PLA2G4A: variants seen among roughly 807,000 people sequenced by gnomAD.
The protein encoded by PLA2G4A is cytosolic phospholipase A2.
Under a neutral mutation model 81.9 loss-of-function variants are expected in PLA2G4A, and 40 were observed. That is an observed-to-expected ratio of 0.49 (90% CI 0.38 to 0.64). PLA2G4A has a LOEUF of 0.64. Ranked by LOEUF, PLA2G4A falls within the 30% of genes least tolerant of loss-of-function variation. The pLI is 0.00. For synonymous variants in PLA2G4A, 302 were observed against 296.9 expected (o/e 1.02, Z -0.18); for missense variants, 715 against 905.1 (o/e 0.79, Z 2.69).
intron 1 of PLA2G4A, among the ~76,000 whole-genome samples, chr1:186,845,886 A>G (rs1443425132): frequency 6.6e-6 from 1 of 152,128 alleles, no homozygotes; most frequent in Non-Finnish European, 1.5e-5. Context: ...CCTCTCATTC[A>G]TGTTCTGAAA....
At chr1:186,863,496 A>G (rs1652892224) in intron 2 of PLA2G4A, among the ~76,000 whole-genome samples, 1 of 152,162 alleles carries the variant, frequency 6.6e-6, no homozygotes, top group South Asian at 2.1e-4. Context: ...TGTGGTGAGC[A>G]CATTAAAAAT....
chr1:186,847,549 A>G (rs932040315), intron 1 of PLA2G4A, among the ~76,000 whole-genome samples: 2 of 152,166 alleles, frequency 1.3e-5, no homozygotes, highest in African/African-American at 4.8e-5. Context: ...ATAAGATTTA[A>G]GACATGCACT....
At chr1:186,971,629 T>C (rs997679295) in intron 15 of PLA2G4A, among the ~76,000 whole-genome samples, 1 of 151,994 alleles carries the variant, frequency 6.6e-6, no homozygotes, top group African/African-American at 2.4e-5. Flanking sequence ...CAGGCAGAGT[T>C]GGAATATTAA....
chr1:186,935,839 C>G (rs189919451), intron 8 of PLA2G4A, among the ~76,000 whole-genome samples: 1 of 152,020 alleles, frequency 6.6e-6, no homozygotes, highest in Non-Finnish European at 1.5e-5. Flanking sequence ...TGTGGAGAAG[C>G]CCTGGACCTC....
chr1:186,896,179 C>A (rs1231524920), intron 5 of PLA2G4A, among the ~76,000 whole-genome samples: 1 of 152,062 alleles, frequency 6.6e-6, no homozygotes, highest in Non-Finnish European at 1.5e-5. Context: ...TATATCGATA[C>A]TATACACATA....
chr1:186,978,227 C>T (rs10157406), intron 16 of PLA2G4A, among the ~76,000 whole-genome samples: 145,054 of 152,278 alleles, frequency 0.95, 69,223 homozygotes, highest in East Asian at 1. Flanking sequence ...TTGTATTTCA[C>T]AGAAAACAAG....
chr1:186,967,671 A>T (rs112502497), intron 15 of PLA2G4A, among the ~76,000 whole-genome samples: 1 of 152,156 alleles, frequency 6.6e-6, no homozygotes, highest in Non-Finnish European at 1.5e-5. Flanking sequence ...AGATTGGTGC[A>T]TACTGGAGTT....
intron 17 of PLA2G4A, among the ~76,000 whole-genome samples, chr1:186,981,521 T>G (rs1439766585): frequency 6.6e-6 from 1 of 152,230 alleles, no homozygotes; most frequent in Non-Finnish European, 1.5e-5. Context: ...AAACCATTAA[T>G]TTAGCAGTTT....
chr1:186,946,938 G>T lies in PLA2G4A; in HGVS notation c.1241G>T (p.Gly414Val). The change falls in exon 12 of 18, where the codon GGC becomes GTC. Residue 414 changes from glycine to valine, a missense_variant. Gly to Val is a moderately radical substitution (Grantham distance 109). Coordinates refer to ENST00000367466, the MANE Select transcript of PLA2G4A (RefSeq NM_024420.3). ...VLGVSGSQSR[G>V]STMEEELENI... ...GGCGTTTCTGGTTCACAAAGCAGAG[G>T]CTCCACAATGGAGGAAGAATTAGGT... The T allele has an allele frequency of 4.4e-6, 7 of 1,603,894 alleles. No individual in the cohort carries two copies. Among genetic ancestry groups the T allele is most frequent in the Non-Finnish European group, 6.0e-6 (7 of 1,170,882 alleles).
intron 3 of PLA2G4A, among the ~76,000 whole-genome samples, chr1:186,883,083 A>G (rs16826045): frequency 0.019 from 2,937 of 152,136 alleles, 92 homozygotes; most frequent in African/African-American, 0.058. Context: ...AGTTTGAGGT[A>G]TCTTTAAGGT....
At chr1:186,937,553 C>T (rs576559297) in intron 8 of PLA2G4A, among the ~76,000 whole-genome samples, 2 of 151,284 alleles carry the variant, frequency 1.3e-5, no homozygotes, top group East Asian at 3.9e-4. Flanking sequence ...GTACAAAAAT[C>T]ATTTAAAGTT....
At chr1:186,929,731 A>T (rs1655671773) in intron 7 of PLA2G4A, among the ~76,000 whole-genome samples, 1 of 152,162 alleles carries the variant, frequency 6.6e-6, no homozygotes, top group East Asian at 1.9e-4. Context: ...CATTGGAAAA[A>T]AAATCTTCTT....
chr1:186,833,612 T>C (rs572218875), intron 1 of PLA2G4A, among the ~76,000 whole-genome samples: 1 of 152,320 alleles, frequency 6.6e-6, no homozygotes, highest in South Asian at 2.1e-4. Context: ...TACCATTACC[T>C]GCCTGTTAAT....
At chr1:186,910,200 T>C (rs963391602) in intron 6 of PLA2G4A, among the ~76,000 whole-genome samples, 2 of 152,152 alleles carry the variant, frequency 1.3e-5, no homozygotes, top group Non-Finnish European at 2.9e-5. Flanking sequence ...GCTCAGAGGC[T>C]TGGTCTCTTT....
intron 5 of PLA2G4A, among the ~76,000 whole-genome samples, chr1:186,894,680 A>G (rs967675629): frequency 1.3e-5 from 2 of 152,314 alleles, no homozygotes; most frequent in South Asian, 2.1e-4. Context: ...TCTGTCTCAG[A>G]GAATCCTCAA....
intron 3 of PLA2G4A, among the ~76,000 whole-genome samples, chr1:186,891,228 G>A (rs996943837): frequency 1.1e-4 from 16 of 151,898 alleles, no homozygotes; most frequent in Non-Finnish European, 1.9e-4. Flanking sequence ...TTTGATATAG[G>A]TATGCAGTGT....
chr1:186,959,855 A>T (rs1253760070), intron 14 of PLA2G4A, among the ~76,000 whole-genome samples: 1 of 152,188 alleles, frequency 6.6e-6, no homozygotes, highest in East Asian at 1.9e-4. Flanking sequence ...CTTATTTAAA[A>T]CATTAATTAA....
intron 15 of PLA2G4A, among the ~76,000 whole-genome samples, chr1:186,971,377 A>G (rs1411867575): frequency 1.3e-5 from 2 of 151,966 alleles, no homozygotes; most frequent in Non-Finnish European, 2.9e-5. Flanking sequence ...CTACCTGTGC[A>G]TTCTCTTAGA....
At chr1:186,953,161 G>A (rs1656623662) in intron 13 of PLA2G4A, among the ~76,000 whole-genome samples, 1 of 152,176 alleles carries the variant, frequency 6.6e-6, no homozygotes, top group Admixed American at 6.5e-5. Flanking sequence ...CAAAGTGGCT[G>A]TACCATTTTG....
Sources: gnomAD v4.1 joint callset for allele counts (sites outside exome capture counted in the v4.1 genomes callset) on GRCh38, gnomAD v4.1.1 for gene constraint, MANE v1.5 for transcripts, NCBI Gene and HGNC (gene_info 2026-07-23, HGNC 2026-07-21) for gene names.